The following LYRM4 variants were observed in gnomAD, a reference collection of about 807,000 sequenced individuals.
The protein encoded by LYRM4 is LYR motif containing 4, also known as LYR motif-containing protein 4.
LYRM4 carries 9 observed loss-of-function variants against 11.7 expected under a neutral mutation model. The ratio of observed to expected loss-of-function variants is 0.77; its 90% CI spans 0.46 to 1.34. The LOEUF (loss-of-function observed/expected upper bound fraction) is 1.34, where lower values mean the gene tolerates loss of function less well. Among genes scored for constraint, LYRM4 ranks in the 40% most tolerant of loss-of-function variants. The pLI is 0.00. For missense variants in LYRM4, 133 were observed against 112.5 expected (o/e 1.18, Z -0.82); for synonymous variants, 42 against 40.4 (o/e 1.04, Z -0.15).
the LYRM4 span, chr6:5,054,203 A>G: frequency 1.6e-5 from 10 of 610,566 alleles, no homozygotes; most frequent in South Asian, 7.3e-4. Context: ...GAAAGACATC[A>G]CTATTTATCA....
intron 2 of LYRM4, among the ~76,000 whole-genome samples, chr6:5,149,976 G>A (rs1442374793): frequency 6.6e-6 from 1 of 152,164 alleles, no homozygotes; most frequent in East Asian, 1.9e-4. Flanking sequence ...ATGTAACAAA[G>A]GGCAAACGTC....
chr6:5,101,970 T>TTTTTTTTTTTTTTTTC, downstream of LYRM4, among the ~76,000 whole-genome samples: 2 of 125,958 alleles, frequency 1.6e-5, 1 homozygote, highest in African/African-American at 5.6e-5. Flanking sequence ...AATGCTTTCT[T>TTTTTTTTTTTTTTTTC]TTTTTTTTTT....
At chr6:5,112,420 GC>G (rs1415933182) in intron 2 of LYRM4, among the ~76,000 whole-genome samples, 1 of 152,212 alleles carries the variant, frequency 6.6e-6, no homozygotes, top group Non-Finnish European at 1.5e-5. Flanking sequence ...AAATGGCTCT[GC>G]CGCGAAGACA....
chr6:5,121,343 A>G (rs1763447000), intron 2 of LYRM4, among the ~76,000 whole-genome samples: 1 of 152,220 alleles, frequency 6.6e-6, no homozygotes, highest in South Asian at 2.1e-4. Flanking sequence ...ACTTTAGAGG[A>G]GCTGGGTTTT....
chr6:5,051,712 T>A, the LYRM4 span, among the ~76,000 whole-genome samples: 1 of 152,226 alleles, frequency 6.6e-6, no homozygotes, highest in Non-Finnish European at 1.5e-5. Context: ...GAATGCCTGT[T>A]GCTAGGTAAT....
At chr6:5,051,098 A>G in the LYRM4 span, among the ~76,000 whole-genome samples, 4 of 152,224 alleles carry the variant, frequency 2.6e-5, no homozygotes, top group Non-Finnish European at 2.9e-5. Context: ...GAACATGAAG[A>G]TAGAACAATT....
intron 1 of LYRM4, among the ~76,000 whole-genome samples, chr6:5,239,687 G>T (rs1415899558): frequency 1.3e-5 from 2 of 152,188 alleles, no homozygotes; most frequent in Non-Finnish European, 2.9e-5. Flanking sequence ...GACTGCAGCA[G>T]AGTGAGGAGT....
the LYRM4 span, chr6:5,085,583 C>T: frequency 9.1e-6 from 14 of 1,545,484 alleles, no homozygotes; most frequent in Admixed American, 2.0e-5. Context: ...CCGGTGGTCC[C>T]CTGTGTGCAG....
At chr6:5,210,277 T>C (rs547929427) in intron 2 of LYRM4, among the ~76,000 whole-genome samples, 1 of 152,328 alleles carries the variant, frequency 6.6e-6, no homozygotes, top group East Asian at 1.9e-4. Context: ...TTTATGTGAA[T>C]GTTGAACCAT....
At chr6:5,095,636 G>A in the LYRM4 span, among the ~76,000 whole-genome samples, 3 of 152,278 alleles carry the variant, frequency 2.0e-5, no homozygotes, top group African/African-American at 7.2e-5. Context: ...AATATGTAAG[G>A]AGACAGCTTT....
chr6:5,085,876 C>T, the LYRM4 span: 1 of 1,531,400 alleles, frequency 6.5e-7, no homozygotes, highest in Non-Finnish European at 8.7e-7. Context: ...GTGCAAGAAG[C>T]GGGTGCAGTT....
rs527281103 is a variant in LYRM4 at position 5,142,427 on chromosome 6, G to A, written c.208-32936C>T. ...CCAGCTTTCCAATCTTCCAGCTGAG[G>A]TTCAATCACTGTGGAGCAACACAAG... is the stretch of plus-strand genomic sequence containing the variant. On this transcript the variant is annotated intron_variant, in intron 2 of 2. Coordinates refer to ENST00000330636, the MANE Select transcript of LYRM4 (RefSeq NM_020408.6). Among the ~76,000 whole-genome samples, 13 of 152,292 alleles carry A rather than the reference G, an allele frequency of 8.5e-5. No individual in the cohort carries two copies. The South Asian group carries it at 2.7e-3, about 32-fold the overall frequency.
intron 2 of LYRM4, among the ~76,000 whole-genome samples, chr6:5,166,599 A>G (rs752168658): frequency 2.6e-5 from 4 of 152,200 alleles, no homozygotes; most frequent in African/African-American, 9.7e-5. Context: ...TTTATCCCCA[A>G]AATAACCCAC....
At chr6:5,189,304 GGTGAGCCTAAGGTTAGTGCTT>G (rs1321827263) in intron 2 of LYRM4, among the ~76,000 whole-genome samples, 7 of 151,982 alleles carry the variant, frequency 4.6e-5, no homozygotes, top group African/African-American at 1.2e-4. Flanking sequence ...TAAGGTTAGT[GGTGAGCCTAAGGTTAGTGCTT>G]AGCCTAAGGT....
intron 2 of LYRM4, among the ~76,000 whole-genome samples, chr6:5,112,034 G>A (rs143800368): frequency 2.0e-5 from 3 of 152,338 alleles, no homozygotes; most frequent in East Asian, 1.9e-4. Flanking sequence ...AGGGACAGTC[G>A]TGGCAGACAG....
the LYRM4 span, chr6:5,086,237 G>T: frequency 2.0e-6 from 3 of 1,535,534 alleles, no homozygotes; most frequent in Non-Finnish European, 2.6e-6. Flanking sequence ...GTGACCGTGC[G>T]CTACACCTTT....
chr6:5,079,706 A>C, the LYRM4 span, among the ~76,000 whole-genome samples: 2 of 152,198 alleles, frequency 1.3e-5, no homozygotes, highest in Non-Finnish European at 2.9e-5. Context: ...AACTAAACAT[A>C]CTTCTCCTTA....
chr6:5,057,221 G>A, the LYRM4 span, among the ~76,000 whole-genome samples: 4 of 151,992 alleles, frequency 2.6e-5, no homozygotes, highest in Non-Finnish European at 5.9e-5. Flanking sequence ...AGACCTGGGG[G>A]CCCACGAGCC....
chr6:5,258,858 A>G (rs1382030328), intron 1 of LYRM4, among the ~76,000 whole-genome samples: 2 of 152,198 alleles, frequency 1.3e-5, no homozygotes, highest in African/African-American at 4.8e-5. Flanking sequence ...TTTCAGGTAG[A>G]GTCTTGAATG....
Sources: gnomAD v4.1 joint callset for allele counts (sites outside exome capture counted in the v4.1 genomes callset) on GRCh38, gnomAD v4.1.1 for gene constraint, MANE v1.5 for transcripts, NCBI Gene and HGNC (gene_info 2026-07-23, HGNC 2026-07-21) for gene names.